Variants in THSD7B observed in about 807,000 individuals in gnomAD.
The protein encoded by THSD7B is thrombospondin type 1 domain containing 7B, also known as thrombospondin type-1 domain-containing protein 7B.
Under a neutral mutation model 213.6 loss-of-function variants are expected in THSD7B, and 138 were observed. The ratio of observed to expected loss-of-function variants is 0.65; its 90% CI spans 0.56 to 0.74. The LOEUF is 0.74. Ranked by LOEUF, THSD7B falls within the 30% of genes least tolerant of loss-of-function variation. THSD7B has a pLI of 0.00. For synonymous variants in THSD7B, 742 were observed against 687.0 expected (o/e 1.08, Z -1.25); for missense variants, 1,931 against 1,991.5 (o/e 0.97, Z 0.58).
At chr2:137,490,089 G>A (rs920773171) in intron 15 of THSD7B, among the ~76,000 whole-genome samples, 2 of 152,306 alleles carry the variant, frequency 1.3e-5, no homozygotes, top group Non-Finnish European at 2.9e-5. Context: ...AGCTAGCAGG[G>A]ATGATGATAT....
At chr2:136,810,004 A>G (rs1682349514) in intron 1 of THSD7B, among the ~76,000 whole-genome samples, 1 of 152,058 alleles carries the variant, frequency 6.6e-6, no homozygotes, top group South Asian at 2.1e-4. Flanking sequence ...TGCAGTTCCT[A>G]CTCTCAAAAG....
intron 17 of THSD7B, among the ~76,000 whole-genome samples, chr2:137,591,017 T>C (rs576867488): frequency 1.2e-4 from 18 of 151,822 alleles, no homozygotes; most frequent in Non-Finnish European, 2.7e-4. Context: ...CTTTAAAAAT[T>C]CCCTTGTGGA....
chr2:136,803,867 G>A (rs994917944), intron 1 of THSD7B, among the ~76,000 whole-genome samples: 1 of 152,202 alleles, frequency 6.6e-6, no homozygotes, highest in African/African-American at 2.4e-5. Flanking sequence ...GAAGATGGAT[G>A]TCTCAGCTCA....
chr2:136,850,038 C>G (rs1467808659), intron 1 of THSD7B, among the ~76,000 whole-genome samples: 2 of 151,886 alleles, frequency 1.3e-5, no homozygotes, highest in African/African-American at 2.4e-5. Flanking sequence ...TATTTTAATT[C>G]TATCACTGCA....
At chr2:136,808,467 A>G (rs1682324121) in intron 1 of THSD7B, among the ~76,000 whole-genome samples, 1 of 152,078 alleles carries the variant, frequency 6.6e-6, no homozygotes, top group South Asian at 2.1e-4. Flanking sequence ...GTGTTTATTG[A>G]AGGTTTATGT....
At chr2:136,886,592 A>T (rs1047336186) in intron 2 of THSD7B, among the ~76,000 whole-genome samples, 2 of 152,196 alleles carry the variant, frequency 1.3e-5, no homozygotes, top group Non-Finnish European at 2.9e-5. Context: ...AGGGATGCTG[A>T]TAAACATTCT....
intron 2 of THSD7B, among the ~76,000 whole-genome samples, chr2:137,049,180 A>T (rs1168303295): frequency 6.6e-6 from 1 of 152,238 alleles, no homozygotes; most frequent in Non-Finnish European, 1.5e-5. Context: ...CGCTCGAACC[A>T]GGGCATTGAG....
intron 12 of THSD7B, among the ~76,000 whole-genome samples, chr2:137,360,813 G>T (rs1456398091): frequency 3.9e-5 from 6 of 152,220 alleles, no homozygotes; most frequent in Non-Finnish European, 8.8e-5. Context: ...AGAAACTTCT[G>T]CAGACTTAAA....
chr2:137,404,110 G>A (rs1409875751), intron 12 of THSD7B, among the ~76,000 whole-genome samples: 2 of 151,944 alleles, frequency 1.3e-5, no homozygotes, highest in Admixed American at 1.3e-4. Flanking sequence ...AGAGAATTCA[G>A]TAAAAATTTA....
At chr2:137,331,670 C>T (rs574489598) in intron 12 of THSD7B, among the ~76,000 whole-genome samples, 9 of 152,194 alleles carry the variant, frequency 5.9e-5, no homozygotes, top group East Asian at 5.8e-4. Context: ...CGGTGCTCAT[C>T]GGGGAGGCTC....
intron 11 of THSD7B, among the ~76,000 whole-genome samples, chr2:137,272,984 G>A (rs1026399933): frequency 6.7e-6 from 1 of 150,038 alleles, no homozygotes; most frequent in Admixed American, 6.7e-5. Flanking sequence ...TTATCTGGGG[G>A]CTGGGAGAAG....
Position 137,411,702 on chromosome 2 carries a change from C to T in THSD7B, c.2789C>T (p.Pro930Leu). 2 of 1,613,942 alleles carry T rather than the reference C, an allele frequency of 1.2e-6. No homozygotes were observed. Among genetic ancestry groups the T allele is most frequent in the Non-Finnish European group, 1.7e-6 (2 of 1,179,890 alleles). ...CCTTGTGATGAATTTATATCCCAACCTTATGGAAACTGGTCAGATTGCATT... is the reference window on the plus strand; with the variant it reads ...CCTTGTGATGAATTTATATCCCAACTTTATGGAAACTGGTCAGATTGCATT... ...LCPCDEFISQ[P>L]YGNWSDCILP... The change falls in exon 14 of 28, where the codon CCT becomes CTT. Residue 930 changes from proline (P) to leucine (L), a missense_variant. Coordinates refer to ENST00000409968, the MANE Select transcript of THSD7B (RefSeq NM_001316349.2).
At chr2:137,494,309 A>G (rs532162459) in intron 15 of THSD7B, among the ~76,000 whole-genome samples, 95 of 152,272 alleles carry the variant, frequency 6.2e-4, no homozygotes, top group African/African-American at 2.2e-3. Context: ...ATCAAGATTC[A>G]TAAGATTCAG....
chr2:137,658,001 A>G (rs1401819720), intron 24 of THSD7B, among the ~76,000 whole-genome samples: 2 of 152,132 alleles, frequency 1.3e-5, no homozygotes, highest in African/African-American at 4.8e-5. Context: ...GTGAGCCACC[A>G]CGCCCGGCCA....
Position 137,667,869 on chromosome 2 carries a change from C to T in THSD7B, c.4739+8C>T. 6.4e-7 allele frequency: 1 copy of T among 1,565,438 alleles called. No homozygotes were observed. Among genetic ancestry groups the T allele is most frequent in the Non-Finnish European group, 8.7e-7 (1 of 1,152,384 alleles). ...TACTTCCTACCTTGTTTGGTAAGTA[C>T]TAATTAGTAAAAAGTTTATGTTCCG... On this transcript the variant is annotated splice_region_variant and intron_variant, in intron 27 of 27. Transcript: ENST00000409968.
chr2:137,613,386 C>T (rs183170656), intron 17 of THSD7B, among the ~76,000 whole-genome samples: 4 of 152,180 alleles, frequency 2.6e-5, no homozygotes, highest in Admixed American at 6.5e-5. Context: ...TCATCTTGAG[C>T]GATATGAATA....
chr2:137,402,320 T>G (rs1454442578), intron 12 of THSD7B, among the ~76,000 whole-genome samples: 1 of 152,210 alleles, frequency 6.6e-6, no homozygotes, highest in Non-Finnish European at 1.5e-5. Context: ...ATAGCTATTC[T>G]TTCTTAATTT....
chr2:137,469,470 T>A (rs1289046282), intron 15 of THSD7B, among the ~76,000 whole-genome samples: 1 of 152,212 alleles, frequency 6.6e-6, no homozygotes, highest in East Asian at 1.9e-4. Context: ...TTTTTAGTTT[T>A]TATATAATTT....
At chr2:137,251,307 C>A (rs914279833) in intron 10 of THSD7B, among the ~76,000 whole-genome samples, 9 of 152,052 alleles carry the variant, frequency 5.9e-5, no homozygotes, top group Non-Finnish European at 1.0e-4. Flanking sequence ...GTTTTCCTGG[C>A]AAATGTGGTT....
Sources: allele counts gnomAD v4.1 joint callset (sites outside exome capture counted in the v4.1 genomes callset), GRCh38; gene constraint gnomAD v4.1.1; transcripts MANE v1.5; gene names NCBI Gene and HGNC (gene_info 2026-07-23, HGNC 2026-07-21).